The following SDHAF3 variants were observed in gnomAD, a reference collection of about 807,000 sequenced individuals.
The protein encoded by SDHAF3 is succinate dehydrogenase complex assembly factor 3, also known as succinate dehydrogenase assembly factor 3, mitochondrial.
In SDHAF3, 18 loss-of-function variants were observed where a neutral mutation model predicts 11.5. The observed-to-expected ratio is 1.56, with a 90% CI of 1.08 to 2.32. The LOEUF (loss-of-function observed/expected upper bound fraction) is 2.32, where lower values mean the gene tolerates loss of function less well. Ranked by LOEUF, SDHAF3 falls within the 30% of genes most tolerant of loss-of-function variation. SDHAF3 has a pLI of 0.00. For synonymous variants in SDHAF3, 72 were observed against 59.3 expected (o/e 1.21, Z -0.99); for missense variants, 200 against 154.4 (o/e 1.30, Z -1.57).
intron 1 of SDHAF3, among the ~76,000 whole-genome samples, chr7:97,134,571 C>A (rs1438449152): frequency 6.6e-6 from 1 of 152,108 alleles, no homozygotes; most frequent in Non-Finnish European, 1.5e-5. Context: ...CTCAGCCCCC[C>A]AAGTAGCTGG....
At chr7:97,161,261 A>G (rs1789405353) in intron 1 of SDHAF3, among the ~76,000 whole-genome samples, 1 of 152,100 alleles carries the variant, frequency 6.6e-6, no homozygotes, top group Non-Finnish European at 1.5e-5. Flanking sequence ...AAGTGTGTTA[A>G]ATTATTTTCC....
intron 1 of SDHAF3, among the ~76,000 whole-genome samples, chr7:97,154,036 G>A (rs755308488): frequency 1.1e-4 from 16 of 152,212 alleles, no homozygotes; most frequent in Non-Finnish European, 1.3e-4. Context: ...GTCAGCAAAG[G>A]GTGGTGGGAT....
At chr7:97,153,407 A>G (rs1789255485) in intron 1 of SDHAF3, among the ~76,000 whole-genome samples, 1 of 152,198 alleles carries the variant, frequency 6.6e-6, no homozygotes, top group African/African-American at 2.4e-5. Context: ...GCTCTGATAA[A>G]TATTTCATTG....
chr7:97,176,871 A>G (rs1304909285), intron 1 of SDHAF3, among the ~76,000 whole-genome samples: 1 of 152,150 alleles, frequency 6.6e-6, no homozygotes, highest in Non-Finnish European at 1.5e-5. Flanking sequence ...CTCAGATTTA[A>G]CAAATATTAA....
In SDHAF3 at chr7:97,117,722, C is replaced by A. The variant is rs773231594; in HGVS notation, c.-2C>A. 2 of 1,611,176 alleles carry A rather than the reference C, an allele frequency of 1.2e-6. No homozygotes were observed. Among genetic ancestry groups the A allele is most frequent in the South Asian group, 1.1e-5 (1 of 90,972 alleles). ...CGCAGTCGGCGGTCGGCGTGGGGCG[C>A]TATGCCGGGGCGGCACGTTTCTCGA... On this transcript the variant is annotated 5_prime_UTR_variant, in exon 1 of 2. Transcript: ENST00000432641.
intron 1 of SDHAF3, among the ~76,000 whole-genome samples, chr7:97,178,801 T>C (rs1789728165): frequency 6.6e-6 from 1 of 152,200 alleles, no homozygotes; most frequent in Non-Finnish European, 1.5e-5. Flanking sequence ...GTTTGTCTTT[T>C]TACTATTAGG....
chr7:97,145,785 T>G (rs1219001396), intron 1 of SDHAF3, among the ~76,000 whole-genome samples: 1 of 152,202 alleles, frequency 6.6e-6, no homozygotes, highest in African/African-American at 2.4e-5. Flanking sequence ...AATTATTTCA[T>G]TCAATAAACA....
intron 1 of SDHAF3, among the ~76,000 whole-genome samples, chr7:97,120,228 A>T (rs1791470538): frequency 6.6e-6 from 1 of 152,176 alleles, no homozygotes; most frequent in Non-Finnish European, 1.5e-5. Flanking sequence ...ATCTACTGGA[A>T]TTAATGAATT....
chr7:97,124,784 T>A (rs1180972208), intron 1 of SDHAF3, among the ~76,000 whole-genome samples: 1 of 152,216 alleles, frequency 6.6e-6, no homozygotes, highest in African/African-American at 2.4e-5. Context: ...CACTCATGAT[T>A]TGGCTCTCTG....
At chr7:97,150,033 T>C (rs563339285) in intron 1 of SDHAF3, among the ~76,000 whole-genome samples, 1 of 152,262 alleles carries the variant, frequency 6.6e-6, no homozygotes, top group Non-Finnish European at 1.5e-5. Flanking sequence ...AAGAAATCAC[T>C]TTCTTTGCTC....
intron 1 of SDHAF3, among the ~76,000 whole-genome samples, chr7:97,138,744 G>A (rs368072264): frequency 1.3e-5 from 2 of 152,218 alleles, no homozygotes; most frequent in South Asian, 2.1e-4. Flanking sequence ...TGCCTTACAC[G>A]TAGTAAGTGT....
intron 1 of SDHAF3, among the ~76,000 whole-genome samples, chr7:97,160,596 C>G (rs900420041): frequency 6.6e-6 from 1 of 152,160 alleles, no homozygotes; most frequent in South Asian, 2.1e-4. Context: ...AATCTACAAC[C>G]TTACCCCCCG....
intron 1 of SDHAF3, among the ~76,000 whole-genome samples, chr7:97,120,915 G>C (rs532677205): frequency 6.6e-6 from 1 of 152,282 alleles, no homozygotes; most frequent in African/African-American, 2.4e-5. Flanking sequence ...AGAGAATTCA[G>C]CTGGGGGAAG....
At chr7:97,170,652 G>A (rs936940055) in intron 1 of SDHAF3, among the ~76,000 whole-genome samples, 4 of 152,086 alleles carry the variant, frequency 2.6e-5, no homozygotes, top group South Asian at 2.1e-4. Flanking sequence ...AACTTTCTAC[G>A]TTCTTGCTTT....
At chr7:97,135,934 G>A (rs904940411) in intron 1 of SDHAF3, among the ~76,000 whole-genome samples, 12 of 151,672 alleles carry the variant, frequency 7.9e-5, no homozygotes, top group South Asian at 4.2e-4. Flanking sequence ...TGATCCGCCC[G>A]CCTCGGCCTC....
At chr7:97,130,428 G>A (rs1021440311) in intron 1 of SDHAF3, among the ~76,000 whole-genome samples, 8 of 152,220 alleles carry the variant, frequency 5.3e-5, no homozygotes, top group Admixed American at 1.3e-4. Context: ...TCTGGCTCGG[G>A]AAGTCCTGGG....
intron 1 of SDHAF3, among the ~76,000 whole-genome samples, chr7:97,131,758 T>C (rs1398837906): frequency 6.6e-6 from 1 of 152,178 alleles, no homozygotes; most frequent in East Asian, 1.9e-4. Context: ...AACTTAAAGC[T>C]TTACTAAAAG....
intron 1 of SDHAF3, among the ~76,000 whole-genome samples, chr7:97,132,648 T>G (rs1041929150): frequency 2.6e-5 from 4 of 152,186 alleles, no homozygotes; most frequent in Non-Finnish European, 5.9e-5. Flanking sequence ...CTTTTTCCCC[T>G]ATGTTTTATA....
intron 1 of SDHAF3, among the ~76,000 whole-genome samples, chr7:97,163,370 G>T (rs1039686352): frequency 6.6e-6 from 1 of 152,050 alleles, no homozygotes; most frequent in African/African-American, 2.4e-5. Context: ...TTGAACTCCT[G>T]ATCTTGTGAT....
Sources: gnomAD v4.1 joint callset for allele counts (sites outside exome capture counted in the v4.1 genomes callset) on GRCh38, gnomAD v4.1.1 for gene constraint, MANE v1.5 for transcripts, NCBI Gene and HGNC (gene_info 2026-07-23, HGNC 2026-07-21) for gene names.